Variants in FHIP1A observed in about 807,000 individuals in gnomAD.
FHIP1A encodes FHF complex subunit HOOK interacting protein 1A.
FHIP1A carries 61 observed loss-of-function variants against 88.6 expected under a neutral mutation model. The ratio of observed to expected loss-of-function variants is 0.69; its 90% CI spans 0.56 to 0.85. The LOEUF (loss-of-function observed/expected upper bound fraction) is 0.85, where lower values mean the gene tolerates loss of function less well. Ranked by LOEUF, FHIP1A falls within the 40% of genes least tolerant of loss-of-function variation. FHIP1A has a pLI of 0.00. For synonymous variants in FHIP1A, 478 were observed against 496.0 expected (o/e 0.96, Z 0.48); for missense variants, 1,154 against 1,273.5 (o/e 0.91, Z 1.43).
chr4:151,528,441 C>T (rs1277884041), intron 3 of FHIP1A, among the ~76,000 whole-genome samples: 1 of 152,092 alleles, frequency 6.6e-6, no homozygotes, highest in East Asian at 1.9e-4. Flanking sequence ...TTATTTAAAC[C>T]AGAAAACACG....
At chr4:151,605,644 A>T (rs1202256444) in intron 7 of FHIP1A, among the ~76,000 whole-genome samples, 6 of 152,230 alleles carry the variant, frequency 3.9e-5, no homozygotes, top group Non-Finnish European at 7.3e-5. Flanking sequence ...CCTTAAAGGC[A>T]TGTGTGCTGG....
chr4:151,647,879 C>A (rs1339008186), intron 10 of FHIP1A, among the ~76,000 whole-genome samples: 1 of 152,180 alleles, frequency 6.6e-6, no homozygotes, highest in Non-Finnish European at 1.5e-5. Context: ...AACTTCTCTC[C>A]TGGTGTGATC....
intron 1 of FHIP1A, among the ~76,000 whole-genome samples, chr4:151,444,701 T>C (rs1728529245): frequency 6.6e-6 from 1 of 152,234 alleles, no homozygotes; most frequent in Non-Finnish European, 1.5e-5. Flanking sequence ...ACTTCTGTTG[T>C]ACCTTGCTCT....
chr4:151,462,269 C>A (rs990961213), intron 2 of FHIP1A, among the ~76,000 whole-genome samples: 1 of 152,148 alleles, frequency 6.6e-6, no homozygotes, highest in Non-Finnish European at 1.5e-5. Context: ...CTGAGATGCA[C>A]CATGGGTTCA....
chr4:151,616,913 A>G (rs533484769), intron 7 of FHIP1A, among the ~76,000 whole-genome samples: 1 of 152,040 alleles, frequency 6.6e-6, no homozygotes, highest in East Asian at 1.9e-4. Flanking sequence ...ACACCCAGCT[A>G]ATTTTTGTAT....
At chr4:151,573,692 G>T (rs1021100940) in intron 4 of FHIP1A, among the ~76,000 whole-genome samples, 1 of 151,894 alleles carries the variant, frequency 6.6e-6, no homozygotes, top group Non-Finnish European at 1.5e-5. Flanking sequence ...AGACCAGGCC[G>T]GGGGAGCCAC....
chr4:151,578,186 C>A, intron 5 of FHIP1A, 110 bp downstream of exon 5: 1 of 972,672 alleles, frequency 1.0e-6, no homozygotes, highest in Non-Finnish European at 1.5e-6. Flanking sequence ...TTGTACTTGG[C>A]ACTTCCTATG....
At chr4:151,636,936 C>A (rs1377375537) in intron 8 of FHIP1A, among the ~76,000 whole-genome samples, 1 of 152,096 alleles carries the variant, frequency 6.6e-6, no homozygotes. Context: ...TACAAAGCTA[C>A]AGTAATCAAA....
chr4:151,567,176 A>T (rs1733419951), intron 4 of FHIP1A, among the ~76,000 whole-genome samples: 2 of 152,308 alleles, frequency 1.3e-5, no homozygotes, highest in South Asian at 4.1e-4. Flanking sequence ...GGGAGTTTAC[A>T]CATAGTAAAA....
chr4:151,586,283 T>C (rs1734208017), intron 5 of FHIP1A, among the ~76,000 whole-genome samples: 1 of 152,182 alleles, frequency 6.6e-6, no homozygotes, highest in Admixed American at 6.5e-5. Context: ...TTTATGAATT[T>C]GTTCCTCTCC....
chr4:151,651,157 T>A (rs759671446), intron 11 of FHIP1A, among the ~76,000 whole-genome samples: 1 of 152,108 alleles, frequency 6.6e-6, no homozygotes, highest in African/African-American at 2.4e-5. Flanking sequence ...AAAATCTTTA[T>A]CCAAAAATAA....
In FHIP1A at chr4:151,649,697, C is replaced by T. The variant is rs748517622; in HGVS notation, c.1656C>T (p.Phe552=). 28 of 1,551,410 alleles carry T rather than the reference C, an allele frequency of 1.8e-5. 1 individual carries two copies. Among genetic ancestry groups the T allele is most frequent in the Middle Eastern group, 1.7e-4 (1 of 6,014 alleles). Residue 552 remains phenylalanine, a synonymous_variant, in exon 11 of 14, where the codon TTC becomes TTT. Transcript: ENST00000435205. ...GTGTGAGCTCGGCCTGCCCTGTGTTCGGGCTCCCGCAACAACTCCCCAGGA... is the reference window on the plus strand; with the variant it reads ...GTGTGAGCTCGGCCTGCCCTGTGTTTGGGCTCCCGCAACAACTCCCCAGGA... ...EGSVSSACPV[F]GLPQQLPRKT... is the part of the protein sequence containing the mutation.
chr4:151,456,379 T>C (rs909647796), intron 2 of FHIP1A, among the ~76,000 whole-genome samples: 1 of 152,120 alleles, frequency 6.6e-6, no homozygotes, highest in African/African-American at 2.4e-5. Flanking sequence ...AAGGATTTCA[T>C]TGTGTGGTAC....
chr4:151,594,900 T>TTGA (rs1734588993), intron 7 of FHIP1A, among the ~76,000 whole-genome samples: 1 of 152,154 alleles, frequency 6.6e-6, no homozygotes, highest in Non-Finnish European at 1.5e-5. Context: ...TTGTGTCTAT[T>TTGA]TGATTCTTCT....
chr4:151,587,022 C>A (rs1734243276), intron 6 of FHIP1A, among the ~76,000 whole-genome samples: 1 of 152,046 alleles, frequency 6.6e-6, no homozygotes, highest in African/African-American at 2.4e-5. Flanking sequence ...TCTTTATCTT[C>A]TTTATAAATT....
At chr4:151,640,359 A>G (rs1736540024) in intron 9 of FHIP1A, among the ~76,000 whole-genome samples, 1 of 152,210 alleles carries the variant, frequency 6.6e-6, no homozygotes, top group African/African-American at 2.4e-5. Flanking sequence ...AACTTTTTAC[A>G]GTTTTAGATT....
chr4:151,577,131 T>G (rs1346551651), intron 4 of FHIP1A, among the ~76,000 whole-genome samples: 1 of 152,212 alleles, frequency 6.6e-6, no homozygotes, highest in East Asian at 1.9e-4. Flanking sequence ...TTTCTCATTT[T>G]CCTCAGTTAT....
intron 2 of FHIP1A, among the ~76,000 whole-genome samples, chr4:151,458,570 T>G (rs1729045867): frequency 6.6e-6 from 1 of 151,978 alleles, no homozygotes; most frequent in Non-Finnish European, 1.5e-5. Flanking sequence ...AAATGGAAGT[T>G]TAGTAGGAGC....
Position 151,484,933 on chromosome 4 carries a change from G to A in FHIP1A, c.-123+2285G>A, listed in dbSNP as rs1226706766. On this transcript the variant is annotated intron_variant, in intron 3 of 13. Coordinates refer to ENST00000435205, the MANE Select transcript of FHIP1A (RefSeq NM_001109977.3). ...CATGCAGAATTGGGGTGGTGAGTGA[G>A]GAATGTTTCTCTGTGGCTTCCCTGG... Among the ~76,000 whole-genome samples the A allele has an allele frequency of 2.0e-5, 3 of 152,180 alleles. No individual in the cohort carries two copies. The East Asian group carries it at 5.8e-4, about 29-fold the overall frequency.
Sources: allele counts gnomAD v4.1 joint callset (sites outside exome capture counted in the v4.1 genomes callset), GRCh38; gene constraint gnomAD v4.1.1; transcripts MANE v1.5; gene names NCBI Gene and HGNC (gene_info 2026-07-23, HGNC 2026-07-21).